The following SHTN1 variants were observed in gnomAD, a reference collection of about 807,000 sequenced individuals.
SHTN1 encodes shootin-1.
Under a neutral mutation model 83.1 loss-of-function variants are expected in SHTN1, and 42 were observed. That is an observed-to-expected ratio of 0.51 (90% CI 0.39 to 0.65). The LOEUF is 0.65. Among genes scored for constraint, SHTN1 ranks in the 30% least tolerant of loss-of-function variants. SHTN1 has a pLI of 0.00. For synonymous variants in SHTN1, 224 were observed against 247.7 expected, an observed-to-expected ratio of 0.90 and a Z score of 0.90; for missense variants, 622 against 737.8, an observed-to-expected ratio of 0.84 and a Z score of 1.82.
Position 117,048,406 on chromosome 10 carries a change from C to T in SHTN1, c.-123+39G>A, listed in dbSNP as rs572575545. 1.5e-4 allele frequency: 127 copies of T among 821,380 alleles called. 1 individual carries two copies. In the African/African-American group the frequency reaches 2.2e-3, roughly 14 times the overall value. The allele number at this position is 821,380 out of a possible 1,614,324, so 50.9% of individuals were successfully genotyped here. A position where few individuals can be genotyped will look rare whatever the true frequency, so the allele number is the denominator to read the frequency against. ...AGGAAAGATTCATTTTACAACCTTC[C>T]CAGCTGATTAGACACATCGGCACGG... On this transcript the variant is annotated intron_variant, in intron 2 of 17. Transcript: ENST00000392901.
chr10:116,971,625 A>C (rs1164267564), intron 2 of SHTN1, among the ~76,000 whole-genome samples: 1 of 152,192 alleles, frequency 6.6e-6, no homozygotes, highest in Non-Finnish European at 1.5e-5. Context: ...AGTGTAGCAT[A>C]AGGCACAAAA....
intron 15 of SHTN1, among the ~76,000 whole-genome samples, chr10:116,904,977 G>A (rs1403595440): frequency 3.3e-5 from 5 of 151,714 alleles, no homozygotes; most frequent in African/African-American, 1.2e-4. Flanking sequence ...CGAGGCGGGT[G>A]GATCATGAGG....
chr10:117,006,143 G>A (rs1852002526), upstream of SHTN1, among the ~76,000 whole-genome samples: 1 of 152,060 alleles, frequency 6.6e-6, no homozygotes, highest in African/African-American at 2.4e-5. Flanking sequence ...AGAATAGGAA[G>A]AATAGTGATA....
At chr10:116,901,113 T>C (rs1404920251) in intron 16 of SHTN1, 1 of 985,262 alleles carries the variant, frequency 1.0e-6, no homozygotes, top group African/African-American at 1.7e-5. Flanking sequence ...ACAAACTAGC[T>C]GACATCCTGG....
chr10:116,994,930 G>C (rs1384779910), intron 1 of SHTN1, among the ~76,000 whole-genome samples: 1 of 152,074 alleles, frequency 6.6e-6, no homozygotes, highest in African/African-American at 2.4e-5. Flanking sequence ...CAAATAACAT[G>C]TAATGCTAAC....
chr10:117,034,392 A>G (rs1852464988), intron 2 of SHTN1, among the ~76,000 whole-genome samples: 1 of 152,242 alleles, frequency 6.6e-6, no homozygotes, highest in Admixed American at 6.5e-5. Flanking sequence ...CTGTAATCCC[A>G]GCACTCTGGG....
chr10:116,970,672 C>T (rs1850582403), intron 2 of SHTN1, among the ~76,000 whole-genome samples: 1 of 151,332 alleles, frequency 6.6e-6, no homozygotes, highest in Non-Finnish European at 1.5e-5. Flanking sequence ...CAAGATCATG[C>T]CACTGCACTC....
At chr10:117,072,796 A>C (rs2133604372) in intron 1 of SHTN1, among the ~76,000 whole-genome samples, 1 of 152,292 alleles carries the variant, frequency 6.6e-6, no homozygotes, top group Middle Eastern at 3.4e-3. Flanking sequence ...ATATGACAAA[A>C]CAAGGCTCTT....
chr10:117,027,197 GGGGCCTGGTTGGAGGTGACTGGCTCAT>G (rs906353985), intron 2 of SHTN1, among the ~76,000 whole-genome samples: 5 of 151,236 alleles, frequency 3.3e-5, no homozygotes, highest in African/African-American at 9.6e-5. Flanking sequence ...CATTGGAGGG[GGGGCCTGGTTGGAGGTGACTGGCTCAT>G]GGGACTGGTT....
upstream of SHTN1, among the ~76,000 whole-genome samples, chr10:117,006,568 A>G (rs1257824710): frequency 1.4e-5 from 2 of 145,908 alleles, no homozygotes; most frequent in Admixed American, 6.8e-5. Context: ...TCCGTCTCAA[A>G]AAAAAAAAAA....
intron 9 of SHTN1, among the ~76,000 whole-genome samples, chr10:116,934,132 T>C (rs200904215): frequency 6.6e-6 from 1 of 152,220 alleles, no homozygotes; most frequent in Non-Finnish European, 1.5e-5. Flanking sequence ...ACTCTGATGA[T>C]AGTTTCTTTT....
At chr10:116,960,767 A>G (rs1420324337) in intron 3 of SHTN1, among the ~76,000 whole-genome samples, 1 of 152,234 alleles carries the variant, frequency 6.6e-6, no homozygotes, top group East Asian at 1.9e-4. Flanking sequence ...CTGCTATTTC[A>G]TAAGTAACTC....
At position 116,900,254 on chromosome 10, in the gene SHTN1, T is replaced by C. The variant is rs182713125; in HGVS notation, c.1673+1511A>G. On this transcript the variant is annotated intron_variant, in intron 16 of 16. Transcript: ENST00000355371. ...TTAATACAGCAGTCCACAGTATTTG[T>C]ATTAGAGCTTTAAGTAGATAAATTA... 4.8e-5 allele frequency: 20 copies of C among 414,282 alleles called. 1 individual carries two copies. The highest frequency in any genetic ancestry group is 1.3e-5 in the Non-Finnish European group (3 of 229,600). The allele number at this position is 414,282 out of a possible 1,614,324, so 25.7% of individuals were successfully genotyped here.
At chr10:117,060,320 G>A (rs548271229) in intron 1 of SHTN1, among the ~76,000 whole-genome samples, 3 of 152,174 alleles carry the variant, frequency 2.0e-5, no homozygotes, top group Admixed American at 1.3e-4. Context: ...TAGGCTTAAT[G>A]ACATGAAATA....
In SHTN1 at chr10:116,948,905, G is replaced by A. The variant is rs7895011; in HGVS notation, c.616+11C>T. On this transcript the variant is annotated intron_variant, in intron 7 of 16. Coordinates refer to ENST00000355371, the MANE Select transcript of SHTN1 (RefSeq NM_001127211.3). ...ATACGTATTTGAGAAAAAAAGACTG[G>A]ACAGACTTACCTCTATTGCATTTTT... 8.4e-3 allele frequency: 12,918 copies of A among 1,532,446 alleles called. 505 individuals carry two copies. The African/African-American group carries it at 0.11, about 13-fold the overall frequency. The allele number at this position is 1,532,446 out of a possible 1,614,324, so 94.9% of individuals were successfully genotyped here.
At chr10:117,077,181 AG>A (rs1853170987) in intron 1 of SHTN1, among the ~76,000 whole-genome samples, 1 of 152,234 alleles carries the variant, frequency 6.6e-6, no homozygotes, top group African/African-American at 2.4e-5. Context: ...TTTCATAAGC[AG>A]AAAGTGTGGT....
chr10:116,972,021 A>C (rs780097677), intron 2 of SHTN1, among the ~76,000 whole-genome samples: 2 of 152,232 alleles, frequency 1.3e-5, no homozygotes, highest in Non-Finnish European at 2.9e-5. Context: ...AATGTGATGC[A>C]TGACAATTTT....
intron 1 of SHTN1, among the ~76,000 whole-genome samples, chr10:117,110,078 G>A (rs1402665550): frequency 1.3e-5 from 2 of 152,126 alleles, no homozygotes; most frequent in East Asian, 3.9e-4. Context: ...TATGATAACT[G>A]CAACTAATTT....
At chr10:117,075,370 G>A (rs887676073) in intron 1 of SHTN1, among the ~76,000 whole-genome samples, 4 of 152,018 alleles carry the variant, frequency 2.6e-5, no homozygotes, top group Non-Finnish European at 4.4e-5. Context: ...AAAAGCCTTG[G>A]GTCAGCCTGT....
Sources: allele counts gnomAD v4.1 joint callset (sites outside exome capture counted in the v4.1 genomes callset), GRCh38; gene constraint gnomAD v4.1.1; transcripts MANE v1.5; gene names NCBI Gene and HGNC (gene_info 2026-07-23, HGNC 2026-07-21).